EPHB1: variants seen among roughly 807,000 people sequenced by gnomAD.
EPHB1 encodes the protein ephrin type-B receptor 1.
EPHB1 carries 30 observed loss-of-function variants against 94.4 expected under a neutral mutation model. That is an observed-to-expected ratio of 0.32 (90% confidence interval 0.24 to 0.43). The LOEUF (loss-of-function observed/expected upper bound fraction) is 0.43. Ranked by LOEUF, EPHB1 falls within the 20% of genes least tolerant of loss-of-function variation. The pLI, the probability that EPHB1 is intolerant of heterozygous loss-of-function variation, is 1.00. For missense variants in EPHB1, 1,055 were observed against 1,308.3 expected (o/e 0.81, Z 2.99); for synonymous variants, 522 against 489.1 (o/e 1.07, Z -0.89).
chr3:134,994,254 A>G (rs575236801), intron 3 of EPHB1, among the ~76,000 whole-genome samples: 133 of 152,358 alleles, frequency 8.7e-4, no homozygotes, highest in African/African-American at 3.1e-3. Context: ...AAGCGAATGA[A>G]TGAATAAATA....
chr3:135,098,342 G>GTA (rs1938886224), intron 3 of EPHB1, among the ~76,000 whole-genome samples: 1 of 54,302 alleles, frequency 1.8e-5, no homozygotes. Context: ...ATATGTTTGA[G>GTA]TGTGTGTGTG....
At chr3:135,101,656 A>G (rs565978727) in intron 3 of EPHB1, among the ~76,000 whole-genome samples, 16 of 152,234 alleles carry the variant, frequency 1.1e-4, no homozygotes, top group Admixed American at 2.0e-4. Context: ...TGTTGGGATT[A>G]CAAGTGTAAG....
chr3:135,040,901 A>T (rs1936812290), intron 3 of EPHB1, among the ~76,000 whole-genome samples: 1 of 152,196 alleles, frequency 6.6e-6, no homozygotes, highest in Non-Finnish European at 1.5e-5. Context: ...ACAATTTTAC[A>T]TCTATAATTC....
chr3:134,970,952 AC>A (rs941161318), intron 3 of EPHB1, among the ~76,000 whole-genome samples: 3 of 152,174 alleles, frequency 2.0e-5, no homozygotes, highest in African/African-American at 2.4e-5. Flanking sequence ...TCCTTTTCTC[AC>A]CCCGATACCT....
At chr3:135,082,847 C>G (rs896186337) in intron 3 of EPHB1, among the ~76,000 whole-genome samples, 5 of 152,304 alleles carry the variant, frequency 3.3e-5, no homozygotes, top group Admixed American at 3.3e-4. Flanking sequence ...CAGGCTGATT[C>G]ATAGAGTACT....
intron 11 of EPHB1, among the ~76,000 whole-genome samples, chr3:135,194,103 C>T (rs1559869898): frequency 6.6e-6 from 1 of 152,184 alleles, no homozygotes; most frequent in Non-Finnish European, 1.5e-5. Flanking sequence ...TTTTGTGACC[C>T]AGCCTAGGAA....
At chr3:135,126,902 A>G (rs1055305240) in intron 4 of EPHB1, among the ~76,000 whole-genome samples, 5 of 152,136 alleles carry the variant, frequency 3.3e-5, no homozygotes, top group Non-Finnish European at 7.4e-5. Flanking sequence ...TCTCTGCTCA[A>G]GAAAGGGTGG....
At chr3:134,932,274 C>G (rs2038921008) in intron 2 of EPHB1, among the ~76,000 whole-genome samples, 1 of 152,146 alleles carries the variant, frequency 6.6e-6, no homozygotes. Context: ...GAATGCACAG[C>G]TGCTGCTTGG....
chr3:135,064,076 T>C (rs1285420388), intron 3 of EPHB1, among the ~76,000 whole-genome samples: 5 of 152,200 alleles, frequency 3.3e-5, no homozygotes, highest in African/African-American at 1.2e-4. Flanking sequence ...CTTTTTGATA[T>C]GTTGTTGGAT....
At chr3:135,223,525 A>G (rs1405883757) in intron 12 of EPHB1, among the ~76,000 whole-genome samples, 1 of 152,204 alleles carries the variant, frequency 6.6e-6, no homozygotes, top group Non-Finnish European at 1.5e-5. Context: ...AGAGTTTACA[A>G]ACCATGTCCA....
At chr3:134,986,967 G>A (rs542154405) in intron 3 of EPHB1, among the ~76,000 whole-genome samples, 1 of 152,218 alleles carries the variant, frequency 6.6e-6, no homozygotes, top group South Asian at 2.1e-4. Context: ...ACCTCTGTCA[G>A]ATCTGAGTAT....
intron 1 of EPHB1, among the ~76,000 whole-genome samples, chr3:134,822,953 G>A (rs527731688): frequency 2.0e-5 from 3 of 152,210 alleles, no homozygotes; most frequent in African/African-American, 4.8e-5. Context: ...AAAGGGAAGC[G>A]GAAGTGATTT....
chr3:134,898,464 A>G (rs1408208657), intron 1 of EPHB1, among the ~76,000 whole-genome samples: 1 of 152,014 alleles, frequency 6.6e-6, no homozygotes, highest in African/African-American at 2.4e-5. Context: ...TCCAAGCCCT[A>G]TCGAATGGCA....
chr3:135,194,557 G>C (rs1942545478), intron 11 of EPHB1, among the ~76,000 whole-genome samples: 1 of 152,200 alleles, frequency 6.6e-6, no homozygotes, highest in African/African-American at 2.4e-5. Flanking sequence ...ATCAGCTGCT[G>C]CATGGTAGCT....
At chr3:135,226,743 T>C (rs1943413283) in intron 12 of EPHB1, among the ~76,000 whole-genome samples, 1 of 152,160 alleles carries the variant, frequency 6.6e-6, no homozygotes, top group African/African-American at 2.4e-5. Flanking sequence ...TTGGCCTATC[T>C]GAAGAAAGAA....
In EPHB1 at chr3:134,925,825, T is replaced by G; in HGVS notation, c.68T>G (p.Met23Arg). ...SAVAAMEETL[M>R]DTRTATAELG... ...TCTTTTTAATCTACAGAAACGTTAA[T>G]GGACACCAGAACGGCTACTGCAGAG... is the stretch of plus-strand genomic sequence containing the variant. Residue 23 changes from methionine to arginine, a missense_variant, in exon 2 of 16, where the codon ATG becomes AGG. By Grantham distance (91) the Met-to-Arg change is moderately conservative (BLOSUM62 -1). Transcript: ENST00000398015. 1 of 1,601,066 alleles carries G rather than the reference T, an allele frequency of 6.2e-7. No individual in the cohort carries two copies. Among genetic ancestry groups the G allele is most frequent in the Non-Finnish European group, 8.5e-7 (1 of 1,173,244 alleles).
At chr3:135,041,773 G>T (rs145004348) in intron 3 of EPHB1, among the ~76,000 whole-genome samples, 1 of 152,244 alleles carries the variant, frequency 6.6e-6, no homozygotes, top group African/African-American at 2.4e-5. Flanking sequence ...TTGACTCATG[G>T]TTCTGAAGGC....
intron 3 of EPHB1, among the ~76,000 whole-genome samples, chr3:135,080,596 G>A (rs1444832900): frequency 4.6e-5 from 7 of 152,028 alleles, no homozygotes; most frequent in African/African-American, 1.7e-4. Flanking sequence ...GTGTGAGAGG[G>A]GTTCAGAGAC....
rs543761793 is a variant in EPHB1, at chr3:134,849,222, C to T, written c.58+53533C>T. Among the ~76,000 whole-genome samples, 4 of 152,352 alleles carry T rather than the reference C, an allele frequency of 2.6e-5. No individual in the cohort carries two copies. The East Asian group carries it at 7.7e-4, about 29-fold the overall frequency. On this transcript the variant is annotated intron_variant, in intron 1 of 15. Coordinates refer to ENST00000398015, the MANE Select transcript of EPHB1 (RefSeq NM_004441.5). ...CTTGTTGAAACAGATTGTTGCTCTC[C>T]ACCTTGAGTTTCCGATTGAGTAGCT...
Sources: gnomAD v4.1 joint callset for allele counts (sites outside exome capture counted in the v4.1 genomes callset) on GRCh38, gnomAD v4.1.1 for gene constraint, MANE v1.5 for transcripts, NCBI Gene and HGNC (gene_info 2026-07-23, HGNC 2026-07-21) for gene names.